The following PPFIA2 variants were observed in gnomAD, a reference collection of about 807,000 sequenced individuals.
PPFIA2 encodes liprin-alpha-2.
Under a neutral mutation model 175.5 loss-of-function variants are expected in PPFIA2, and 46 were observed. The ratio of observed to expected loss-of-function variants is 0.26; its 90% CI spans 0.21 to 0.34. The LOEUF (loss-of-function observed/expected upper bound fraction) is 0.34. Ranked by LOEUF, PPFIA2 falls within the 10% of genes least tolerant of loss-of-function variation. The pLI, the probability that PPFIA2 is intolerant of heterozygous loss-of-function variation, is 1.00. For synonymous variants in PPFIA2, 568 were observed against 511.4 expected, an observed-to-expected ratio of 1.11 and a Z score of -1.49; for missense variants, 1,179 against 1,506.1, an observed-to-expected ratio of 0.78 and a Z score of 3.60.
chr12:81,739,299 A>G lies in PPFIA2; in HGVS notation c.249+14674T>C, dbSNP rs540507731. Among the ~76,000 whole-genome samples the G allele has an allele frequency of 8.5e-5, 13 of 152,144 alleles. No individual in the cohort carries two copies. In the East Asian group the frequency reaches 1.7e-3, roughly 20 times the overall value. ...TATAAAAGGAATACTAGCTGAAGAG[A>G]TTTTCTAACTCAAGCAACATCAACT... On this transcript the variant is annotated intron_variant, in intron 3 of 32. Coordinates refer to ENST00000549396, the MANE Select transcript of PPFIA2 (RefSeq NM_003625.5).
chr12:81,657,186 C>T lies in PPFIA2; in HGVS notation c.303+19605G>A, dbSNP rs145437445. On this transcript the variant is annotated intron_variant, in intron 4 of 32. Coordinates refer to ENST00000549396, the MANE Select transcript of PPFIA2 (RefSeq NM_003625.5). ...CTCCTTAACACAGAGACATAGCTCC[C>T]CTGGGAAGGTTAATGCTGCCGCCAA... 6.2e-4 allele frequency among the ~76,000 whole-genome samples: 94 copies of T among 152,210 alleles called. 3 individuals carry two copies. In the East Asian group the frequency reaches 0.017, roughly 27 times the overall value.
At chr12:81,636,423 G>A (rs1409000176) in intron 4 of PPFIA2, among the ~76,000 whole-genome samples, 3 of 150,696 alleles carry the variant, frequency 2.0e-5, no homozygotes, top group Non-Finnish European at 4.4e-5. Flanking sequence ...CCGCTACCAC[G>A]CCCGGCTAAT....
rs986987122 is a variant in PPFIA2 at position 81,536,460 on chromosome 12, A to G, written c.304-78594T>C. 2.0e-4 allele frequency among the ~76,000 whole-genome samples: 31 copies of G among 151,416 alleles called. 1 individual carries two copies. Among genetic ancestry groups the G allele is most frequent in the Non-Finnish European group, 4.0e-4 (27 of 67,662 alleles). ...ATCAACAACCTTATTTTAGATACCA[A>G]CGAAAGACAAGTATTGTTTCCCCAA... On this transcript the variant is annotated intron_variant, in intron 4 of 32. Coordinates refer to ENST00000549396, the MANE Select transcript of PPFIA2 (RefSeq NM_003625.5).
At chr12:81,327,899 G>A (rs927889301) in intron 21 of PPFIA2, among the ~76,000 whole-genome samples, 1 of 151,982 alleles carries the variant, frequency 6.6e-6, no homozygotes, top group Non-Finnish European at 1.5e-5. Context: ...GCAAAATCTA[G>A]TATCTTTTTT....
intron 11 of PPFIA2, among the ~76,000 whole-genome samples, chr12:81,370,590 GT>G (rs2034825544): frequency 6.6e-6 from 1 of 151,820 alleles, no homozygotes; most frequent in South Asian, 2.1e-4. Context: ...GCATTGATTT[GT>G]TGCTGTGGAA....
Position 81,620,159 on chromosome 12 carries a change from C to CAAAAAAAA in PPFIA2, c.303+56624_303+56631dup, listed in dbSNP as rs376856927. On this transcript the variant is annotated intron_variant, in intron 4 of 32. Transcript: ENST00000549396. ...TGGGCCACAGAGTGACACTCCTTCT[C>CAAAAAAAA]AAAAAAAAAAAAAAAAAAAAAAAGA... Among the ~76,000 whole-genome samples, 181 of 53,890 alleles carry CAAAAAAAA rather than the reference C, an allele frequency of 3.4e-3. 1 individual carries two copies. The highest frequency in any genetic ancestry group is 5.4e-3 in the East Asian group (8 of 1,474). 35.4% of individuals were successfully genotyped at this position (53,890 alleles called of 152,430 possible).
intron 4 of PPFIA2, among the ~76,000 whole-genome samples, chr12:81,544,475 A>G (rs1002805193): frequency 2.6e-5 from 4 of 152,188 alleles, no homozygotes; most frequent in Non-Finnish European, 5.9e-5. Context: ...CTAATGGGGC[A>G]GCCCAACATA....
At chr12:81,606,302 G>C (rs1048283523) in intron 4 of PPFIA2, among the ~76,000 whole-genome samples, 15 of 151,946 alleles carry the variant, frequency 9.9e-5, no homozygotes, top group African/African-American at 3.6e-4. Context: ...TAACTTTTTG[G>C]TATAATGATT....
intron 4 of PPFIA2, among the ~76,000 whole-genome samples, chr12:81,510,216 G>A (rs1028136880): frequency 2.6e-5 from 4 of 151,998 alleles, no homozygotes; most frequent in Admixed American, 2.0e-4. Flanking sequence ...AAACAGATGA[G>A]GCAGGCAGAT....
At chr12:81,509,295 G>C (rs1594221067) in intron 4 of PPFIA2, among the ~76,000 whole-genome samples, 1 of 152,162 alleles carries the variant, frequency 6.6e-6, no homozygotes, top group East Asian at 1.9e-4. Flanking sequence ...AAAATGGTAA[G>C]AGAAAGAAGG....
At chr12:81,396,492 G>A (rs1253598864) in intron 8 of PPFIA2, among the ~76,000 whole-genome samples, 1 of 151,992 alleles carries the variant, frequency 6.6e-6, no homozygotes, top group African/African-American at 2.4e-5. Flanking sequence ...AAGTCAACAG[G>A]AGGCCAGTGT....
At chr12:81,374,257 G>C (rs1293682507) in intron 11 of PPFIA2, among the ~76,000 whole-genome samples, 2 of 152,070 alleles carry the variant, frequency 1.3e-5, no homozygotes, top group Non-Finnish European at 2.9e-5. Flanking sequence ...AAGAAGTTAT[G>C]ATATTCTCTA....
At chr12:81,470,913 C>T (rs563484215) in intron 4 of PPFIA2, among the ~76,000 whole-genome samples, 1 of 152,200 alleles carries the variant, frequency 6.6e-6, no homozygotes, top group African/African-American at 2.4e-5. Context: ...CCACATACCC[C>T]TTCCCCCATC....
chr12:81,361,149 A>C (rs1049184728), intron 15 of PPFIA2, among the ~76,000 whole-genome samples: 1 of 151,682 alleles, frequency 6.6e-6, no homozygotes, highest in African/African-American at 2.4e-5. Flanking sequence ...GGCTGCCCAT[A>C]ATGACTCAGT....
intron 22 of PPFIA2, among the ~76,000 whole-genome samples, chr12:81,314,858 A>T (rs2051909849): frequency 7.3e-6 from 1 of 137,542 alleles, no homozygotes; most frequent in Admixed American, 7.4e-5. Flanking sequence ...ATGGAAAAGT[A>T]AAATAAATAA....
At position 81,707,916 on chromosome 12, in the gene PPFIA2, G is replaced by A. The variant is rs547071160; in HGVS notation, c.250-31072C>T. On this transcript the variant is annotated intron_variant, in intron 3 of 32. Transcript: ENST00000549396. ...AAATCATCATTCTCAGTAAACTATCGCAAGAACAAAAAACCAAACATCACA... is the reference window on the plus strand; with the variant it reads ...AAATCATCATTCTCAGTAAACTATCACAAGAACAAAAAACCAAACATCACA... 4.9e-3 allele frequency among the ~76,000 whole-genome samples: 736 copies of A among 149,678 alleles called. 2 individuals are homozygous for A. The highest frequency in any genetic ancestry group is 0.017 in the African/African-American group (700 of 40,770).
intron 4 of PPFIA2, among the ~76,000 whole-genome samples, chr12:81,486,061 A>T (rs1002584692): frequency 6.6e-6 from 1 of 151,994 alleles, no homozygotes; most frequent in African/African-American, 2.4e-5. Flanking sequence ...TTTTAGCGTT[A>T]TAAATTAATT....
intron 4 of PPFIA2, among the ~76,000 whole-genome samples, chr12:81,533,506 TTCCA>T (rs1241869675): frequency 6.6e-6 from 1 of 151,600 alleles, no homozygotes; most frequent in Non-Finnish European, 1.5e-5. Flanking sequence ...TGCAGTGATT[TTCCA>T]CAACTTGAAA....
At chr12:81,729,087 C>CA (rs1321117090) in intron 3 of PPFIA2, among the ~76,000 whole-genome samples, 2 of 151,112 alleles carry the variant, frequency 1.3e-5, no homozygotes, top group African/African-American at 4.9e-5. Flanking sequence ...GACCCTTGAC[C>CA]AAAAAACTGT....
Sources: allele counts gnomAD v4.1 joint callset (sites outside exome capture counted in the v4.1 genomes callset), GRCh38; gene constraint gnomAD v4.1.1; transcripts MANE v1.5; gene names NCBI Gene and HGNC (gene_info 2026-07-23, HGNC 2026-07-21).